The following ITGA8 variants were observed in gnomAD, a reference collection of about 807,000 sequenced individuals.
ITGA8 encodes integrin alpha-8.
ITGA8 carries 91 observed loss-of-function variants against 142.3 expected under a neutral mutation model. The observed-to-expected ratio is 0.64, with a 90% confidence interval of 0.54 to 0.76. The LOEUF (loss-of-function observed/expected upper bound fraction) is 0.76, where lower values mean the gene tolerates loss of function less well. Ranked by LOEUF, ITGA8 falls within the 30% of genes least tolerant of loss-of-function variation. The pLI is 0.00. For synonymous variants in ITGA8, 505 were observed against 485.2 expected (o/e 1.04, Z -0.54); for missense variants, 1,406 against 1,327.7 (o/e 1.06, Z -0.92).
intron 13 of ITGA8, among the ~76,000 whole-genome samples, chr10:15,629,601 G>A (rs1042738978): frequency 2.6e-5 from 4 of 151,928 alleles, no homozygotes; most frequent in African/African-American, 4.8e-5. Flanking sequence ...TCAATATTCT[G>A]CCCTTTCCCC....
At chr10:15,615,296 C>A (rs1833372073) in intron 14 of ITGA8, among the ~76,000 whole-genome samples, 1 of 152,194 alleles carries the variant, frequency 6.6e-6, no homozygotes, top group South Asian at 2.1e-4. Context: ...TCTCTAGAAC[C>A]TTAAGTGGGA....
chr10:15,599,896 G>C (rs2131603634), intron 20 of ITGA8, among the ~76,000 whole-genome samples: 1 of 152,268 alleles, frequency 6.6e-6, no homozygotes, highest in Admixed American at 6.5e-5. Context: ...ACTCTGGCCT[G>C]GGTGACAGAG....
At position 15,565,967 on chromosome 10, in the gene ITGA8, G is replaced by A. The variant is rs376681549; in HGVS notation, c.2637+6244C>T. Among the ~76,000 whole-genome samples the A allele has an allele frequency of 1.8e-4, 27 of 152,114 alleles. No homozygotes were observed. The South Asian group carries it at 5.6e-3, about 32-fold the overall frequency. On this transcript the variant is annotated intron_variant, in intron 25 of 29. Coordinates refer to ENST00000378076, the MANE Select transcript of ITGA8 (RefSeq NM_003638.3). ...GACAGAGGGAAAGAGGTCAAGAACT[G>A]TTGTGCTAGGAAGTAACGAGCGCCT...
At chr10:15,700,312 C>T (rs149167219) in intron 2 of ITGA8, among the ~76,000 whole-genome samples, 63 of 152,264 alleles carry the variant, frequency 4.1e-4, no homozygotes, top group Admixed American at 1.4e-3. Flanking sequence ...CCCCTGATTG[C>T]TTCTCCAATC....
rs2131669676 is a variant in ITGA8, at chr10:15,659,141, T to C, written c.892-86A>G. The C allele has an allele frequency of 5.6e-6, 5 of 896,938 alleles. No individual in the cohort carries two copies. The East Asian group carries it at 1.1e-4, about 20-fold the overall frequency. 55.6% of individuals were successfully genotyped at this position (896,938 alleles called of 1,614,324 possible). A position where few individuals can be genotyped will look rare whatever the true frequency, so the allele number is the denominator to read the frequency against. The stretch of plus-strand genomic sequence containing the variant: ...AAACTACAACTTGAATCATTTAAAA[T>C]TTTTTGTAAAGTGTGATAAATGGTT... On this transcript the variant is annotated intron_variant, in intron 9 of 29. Transcript: ENST00000378076.
intron 19 of ITGA8, 38 bp downstream of exon 19, chr10:15,605,686 A>T: frequency 6.6e-7 from 1 of 1,504,858 alleles, no homozygotes; most frequent in Non-Finnish European, 9.3e-7. Flanking sequence ...CTGTAATTCC[A>T]TTAGATAGAA....
At chr10:15,658,014 T>C (rs2131668255) in intron 10 of ITGA8, among the ~76,000 whole-genome samples, 1 of 152,342 alleles carries the variant, frequency 6.6e-6, no homozygotes, top group African/African-American at 2.4e-5. Flanking sequence ...ATTTAGTGGC[T>C]TTTGTTTGAT....
intron 25 of ITGA8, among the ~76,000 whole-genome samples, chr10:15,565,514 A>G (rs1486737193): frequency 2.0e-5 from 3 of 151,624 alleles, no homozygotes; most frequent in Non-Finnish European, 2.9e-5. Context: ...TGATTCCACA[A>G]AGAAATCAGG....
chr10:15,686,604 C>T (rs1286127865), intron 3 of ITGA8, among the ~76,000 whole-genome samples: 1 of 152,148 alleles, frequency 6.6e-6, no homozygotes, highest in Admixed American at 6.5e-5. Context: ...TATGTATACC[C>T]ATGGTACCTG....
chr10:15,719,571 G>T lies in ITGA8; in HGVS notation c.201C>A (p.Asp67Glu). 6.4e-7 allele frequency: 1 copy of T among 1,563,512 alleles called. No individual in the cohort carries two copies. The highest frequency in any genetic ancestry group is 1.2e-5 in the South Asian group (1 of 84,766). Residue 67 changes from aspartate to glutamate, a missense_variant, in exon 1 of 30, where the codon GAC (aspartate) becomes GAA (glutamate). By Grantham distance (45) the Asp-to-Glu change is conservative. Transcript: ENST00000378076. ...CGGGTCGGGCGACTTACGTGCGGGC[G>T]TCGGGTATGTGGAAGTCCACGGCGT... is the stretch of plus-strand genomic sequence containing the variant. The part of the protein sequence containing the change: ...FGYAVDFHIP[D>E]ARTASVLVGA...
intron 28 of ITGA8, among the ~76,000 whole-genome samples, chr10:15,524,446 T>G (rs1371772033): frequency 6.6e-6 from 1 of 152,232 alleles, no homozygotes; most frequent in East Asian, 1.9e-4. Context: ...TTCAGACATA[T>G]TTCTCTGAAT....
intron 26 of ITGA8, among the ~76,000 whole-genome samples, chr10:15,556,582 A>G (rs73600710): frequency 0.055 from 8,404 of 152,156 alleles, 749 homozygotes; most frequent in African/African-American, 0.19. Context: ...TTTTATGGTT[A>G]TGTAATAGGT....
intron 13 of ITGA8, among the ~76,000 whole-genome samples, chr10:15,632,986 C>T (rs1241533358): frequency 1.3e-5 from 2 of 152,108 alleles, no homozygotes; most frequent in Non-Finnish European, 2.9e-5. Context: ...CATTATCCTC[C>T]CCTGGGATAC....
intron 25 of ITGA8, among the ~76,000 whole-genome samples, chr10:15,558,605 C>A (rs1389603271): frequency 6.6e-6 from 1 of 152,112 alleles, no homozygotes; most frequent in African/African-American, 2.4e-5. Context: ...GGAGATGAAT[C>A]CTGAGGTGAC....
At position 15,671,616 on chromosome 10, in the gene ITGA8, C is replaced by A. The variant is rs774284159; in HGVS notation, c.834G>T (p.Gly278=). The change falls in exon 8 of 30, where the codon GGG becomes GGT. Residue 278 remains glycine (G), a synonymous_variant. Coordinates refer to ENST00000378076, the MANE Select transcript of ITGA8 (RefSeq NM_003638.3). ...AGTGCCTCTCACCTTGCTGAGAATC[C>A]CCAGTAAACTCCCCAGCAGCAACTG... The part of the protein sequence containing the change: ...GYSVAAGEFT[G]DSQQELVAGI... 37 of 1,612,596 alleles carry A rather than the reference C, an allele frequency of 2.3e-5. No individual in the cohort carries two copies. Among genetic ancestry groups the A allele is most frequent in the Admixed American group, 1.0e-4 (6 of 59,958 alleles).
Position 15,668,574 on chromosome 10 carries a change from G to C in ITGA8, c.847+3029C>G, listed in dbSNP as rs551748172. Among the ~76,000 whole-genome samples the C allele has an allele frequency of 1.3e-4, 20 of 152,146 alleles. 1 individual carries two copies. The highest frequency in any genetic ancestry group is 1.2e-3 in the Admixed American group (19 of 15,280). On this transcript the variant is annotated intron_variant, in intron 8 of 29. Transcript: ENST00000378076. The stretch of plus-strand genomic sequence containing the variant: ...TGATCCTGTCATTATGATGTTAGCT[G>C]GTTATTTTGCTCGTTAGTTGATGCA...
intron 28 of ITGA8, among the ~76,000 whole-genome samples, chr10:15,524,614 T>C (rs1833132996): frequency 6.6e-6 from 1 of 152,188 alleles, no homozygotes; most frequent in South Asian, 2.1e-4. Context: ...CATGTGCAGG[T>C]GGAAACCAGT....
chr10:15,575,447 A>G, intron 24 of ITGA8, 42 bp downstream of exon 24: 3 of 1,325,864 alleles, frequency 2.3e-6, no homozygotes. Flanking sequence ...ACAGAGCTTA[A>G]GAATAAACCC....
At chr10:15,718,364 G>A (rs1366286485) in intron 2 of ITGA8, among the ~76,000 whole-genome samples, 2 of 152,152 alleles carry the variant, frequency 1.3e-5, no homozygotes, top group Non-Finnish European at 2.9e-5. Flanking sequence ...CCGAGCTTGG[G>A]CACTGGAAAC....
Sources: allele counts gnomAD v4.1 joint callset (sites outside exome capture counted in the v4.1 genomes callset), GRCh38; gene constraint gnomAD v4.1.1; transcripts MANE v1.5; gene names NCBI Gene and HGNC (gene_info 2026-07-23, HGNC 2026-07-21).